Variants in ARHGEF33 observed in about 807,000 individuals in gnomAD.
ARHGEF33 encodes the protein DH and coiled-coil domain-containing protein ENSP00000381780.
Under a neutral mutation model 101.9 loss-of-function variants are expected in ARHGEF33, and 72 were observed. The observed-to-expected ratio is 0.71, with a 90% CI of 0.58 to 0.86. The LOEUF is 0.86. ARHGEF33 is among the 40% of genes least tolerant of loss of function. ARHGEF33 has a pLI of 0.00. For synonymous variants in ARHGEF33, 499 were observed against 442.5 expected (o/e 1.13, Z -1.60); for missense variants, 1,169 against 1,111.3 (o/e 1.05, Z -0.74).
intron 10 of ARHGEF33, among the ~76,000 whole-genome samples, chr2:38,947,701 G>T (rs1667487542): frequency 6.6e-6 from 1 of 152,186 alleles, no homozygotes; most frequent in South Asian, 2.1e-4. Context: ...CACAGCCTCA[G>T]GATCACAGTT....
rs368542703 is a variant in ARHGEF33 at position 38,936,650 on chromosome 2, A to G, written c.566-685A>G. ...TTGGTATATTTAATCCTCAAGGGAT[A>G]GTTGTACCCAAACAGAGGCAGATTC... On this transcript the variant is annotated intron_variant, in intron 8 of 17. Transcript: ENST00000409978. Among the ~76,000 whole-genome samples the G allele has an allele frequency of 2.1e-3, 327 of 152,238 alleles. 4 individuals carry two copies. The South Asian group carries it at 0.028, about 13-fold the overall frequency.
Position 38,967,101 on chromosome 2 carries a change from G to A in ARHGEF33, c.2483+956G>A, listed in dbSNP as rs573778152. Among the ~76,000 whole-genome samples the A allele has an allele frequency of 2.0e-5, 3 of 152,378 alleles. No individual in the cohort carries two copies. The South Asian group carries it at 6.2e-4, about 32-fold the overall frequency. ...CCTTTGGAGAGTTGCCAATAAGTGAGGAAGCACAGGGAAATCACCTTTTCC... is the reference window on the plus strand; with the variant it reads ...CCTTTGGAGAGTTGCCAATAAGTGAAGAAGCACAGGGAAATCACCTTTTCC... On this transcript the variant is annotated intron_variant, in intron 17 of 17. Transcript: ENST00000409978.
chr2:38,905,181 G>A (rs1302822038), intron 2 of ARHGEF33, among the ~76,000 whole-genome samples: 1 of 150,284 alleles, frequency 6.7e-6, no homozygotes, highest in African/African-American at 2.4e-5. Context: ...CATTCATTTA[G>A]CCGAAAAAAA....
intron 16 of ARHGEF33, among the ~76,000 whole-genome samples, chr2:38,962,656 G>A (rs952259170): frequency 6.6e-6 from 1 of 151,984 alleles, no homozygotes; most frequent in Non-Finnish European, 1.5e-5. Flanking sequence ...AAATTTTCAA[G>A]CATGCAAAGT....
At chr2:38,913,724 C>T (rs1357630631) in intron 2 of ARHGEF33, among the ~76,000 whole-genome samples, 1 of 150,838 alleles carries the variant, frequency 6.6e-6, no homozygotes, top group Non-Finnish European at 1.5e-5. Flanking sequence ...TGCAGTGAAC[C>T]GAGATCATGC....
intron 2 of ARHGEF33, among the ~76,000 whole-genome samples, chr2:38,909,604 G>T (rs1177708759): frequency 6.6e-6 from 1 of 150,558 alleles, no homozygotes. Context: ...CTCCAAAAGT[G>T]CTGGGATTAC....
chr2:38,965,534 G>A (rs937694943), intron 16 of ARHGEF33, among the ~76,000 whole-genome samples: 1 of 152,148 alleles, frequency 6.6e-6, no homozygotes, highest in Non-Finnish European at 1.5e-5. Flanking sequence ...AAAATGGAGA[G>A]TTAGGAACAT....
At chr2:38,973,339 G>C (rs1553348002) in intron 17 of ARHGEF33, 1 of 153,374 alleles carries the variant, frequency 6.5e-6, no homozygotes. Flanking sequence ...CCTTGGTTGA[G>C]AACCATGATT....
At chr2:38,932,872 T>C (rs1009484306) in intron 7 of ARHGEF33, among the ~76,000 whole-genome samples, 1 of 152,188 alleles carries the variant, frequency 6.6e-6, no homozygotes, top group Non-Finnish European at 1.5e-5. Flanking sequence ...TCCTCCTGTA[T>C]AGACGTGGTC....
chr2:38,970,014 G>C (rs1303004991), intron 17 of ARHGEF33, among the ~76,000 whole-genome samples: 1 of 152,220 alleles, frequency 6.6e-6, no homozygotes, highest in Non-Finnish European at 1.5e-5. Flanking sequence ...CAGTGGGGAA[G>C]AGGATCACGT....
chr2:38,910,095 A>G (rs1666476197), intron 2 of ARHGEF33, among the ~76,000 whole-genome samples: 1 of 152,178 alleles, frequency 6.6e-6, no homozygotes, highest in South Asian at 2.1e-4. Context: ...AGACACTGTT[A>G]TTTATAGAAC....
chr2:38,965,855 G>T lies in ARHGEF33; in HGVS notation c.2344-151G>T, dbSNP rs1277819723. 47 of 861,254 alleles carry T rather than the reference G, an allele frequency of 5.5e-5. No homozygotes were observed. The East Asian group carries it at 1.2e-3, about 22-fold the overall frequency. The allele number at this position is 861,254 out of a possible 1,614,324, so 53.4% of individuals were successfully genotyped here. A position where few individuals can be genotyped will look rare whatever the true frequency, so the allele number is the denominator to read the frequency against. ...TTTTCGCCTGCTGGTTTCTTCATTA[G>T]CCTAGGTTTGCTTTAGTTGGGATTG... On this transcript the variant is annotated intron_variant, in intron 16 of 17. Transcript: ENST00000409978.
At chr2:38,945,117 A>T (rs796306105) in intron 10 of ARHGEF33, among the ~76,000 whole-genome samples, 25 of 152,330 alleles carry the variant, frequency 1.6e-4, no homozygotes, top group African/African-American at 5.8e-4. Context: ...AAGAATGGAA[A>T]GTCTGGATTA....
chr2:38,910,721 T>C (rs940883551), intron 2 of ARHGEF33, among the ~76,000 whole-genome samples: 14 of 152,234 alleles, frequency 9.2e-5, no homozygotes, highest in Admixed American at 9.2e-4. Context: ...TCTCAATCTC[T>C]TTCTCTCATC....
At chr2:38,958,906 G>A (rs1274503975) in intron 15 of ARHGEF33, among the ~76,000 whole-genome samples, 1 of 151,952 alleles carries the variant, frequency 6.6e-6, no homozygotes, top group East Asian at 1.9e-4. Flanking sequence ...CACCATGCCC[G>A]GCTAATTTTT....
At chr2:38,943,504 T>G (rs1423122104) in intron 9 of ARHGEF33, among the ~76,000 whole-genome samples, 1 of 150,428 alleles carries the variant, frequency 6.6e-6, no homozygotes, top group Non-Finnish European at 1.5e-5. Context: ...TCATTTTTCT[T>G]GTTTGCCATG....
chr2:38,964,484 T>A (rs1293087994), intron 16 of ARHGEF33, among the ~76,000 whole-genome samples: 1 of 151,484 alleles, frequency 6.6e-6, no homozygotes, highest in Non-Finnish European at 1.5e-5. Context: ...TTGCAGCCAC[T>A]CCCCAGCATT....
At chr2:38,905,210 C>T (rs1197541833) in intron 2 of ARHGEF33, among the ~76,000 whole-genome samples, 1 of 151,844 alleles carries the variant, frequency 6.6e-6, no homozygotes, top group Non-Finnish European at 1.5e-5. Flanking sequence ...GTTTTGTTTC[C>T]TTTCCTTAAA....
At chr2:38,921,234 TG>T in intron 3 of ARHGEF33, 139 bp from the exon 4 acceptor site, 1 of 619,452 alleles carries the variant, frequency 1.6e-6, no homozygotes, top group South Asian at 2.0e-5. Context: ...GCTCATTTTT[TG>T]TTCCCCTGGA....
Sources: gnomAD v4.1 joint callset for allele counts (sites outside exome capture counted in the v4.1 genomes callset) on GRCh38, gnomAD v4.1.1 for gene constraint, MANE v1.5 for transcripts, NCBI Gene and HGNC (gene_info 2026-07-23, HGNC 2026-07-21) for gene names.